The following LAMA2 variants were observed in gnomAD, a reference collection of about 807,000 sequenced individuals.
LAMA2 encodes laminin subunit alpha-2.
LAMA2 carries 269 observed loss-of-function variants against 364.8 expected under a neutral mutation model. That is an observed-to-expected ratio of 0.74 (90% CI 0.67 to 0.82). LAMA2 has a LOEUF of 0.82. Among genes scored for constraint, LAMA2 ranks in the 40% least tolerant of loss-of-function variants. LAMA2 has a pLI of 0.00. For missense variants in LAMA2, 3,807 were observed against 3,873.2 expected (o/e 0.98, Z 0.45); for synonymous variants, 1,379 against 1,370.6 (o/e 1.01, Z -0.14).
At chr6:129,251,794 G>A (rs1169444953) in intron 13 of LAMA2, among the ~76,000 whole-genome samples, 2 of 152,050 alleles carry the variant, frequency 1.3e-5, no homozygotes, top group Admixed American at 1.3e-4. Flanking sequence ...AATTAGCCAG[G>A]CTTGGTGGCA....
rs1214826895 is a variant in LAMA2, at chr6:128,962,185, T to TATATATATATACACACAC, written c.112+78829_112+78830insTATATATATACACACACA. Among the ~76,000 whole-genome samples the TATATATATATACACACAC allele has an allele frequency of 6.4e-4, 66 of 103,926 alleles. 2 individuals carry two copies. Among genetic ancestry groups the TATATATATATACACACAC allele is most frequent in the African/African-American group, 2.3e-3 (63 of 26,968 alleles). 68.2% of individuals were successfully genotyped at this position (103,926 alleles called of 152,430 possible). ...ATATATATATATATATATATATATATACACACATACACACACACATACACA... is the reference window on the plus strand; with the variant it reads ...ATATATATATATATATATATATATATATATATATATACACACACACACACATACACACACACATACACA... On this transcript the variant is annotated intron_variant, in intron 1 of 64. Transcript: ENST00000421865.
intron 34 of LAMA2, among the ~76,000 whole-genome samples, chr6:129,377,430 T>C (rs1778434937): frequency 6.6e-6 from 1 of 152,074 alleles, no homozygotes; most frequent in Non-Finnish European, 1.5e-5. Flanking sequence ...TCTTTTTGGT[T>C]TGGAACTTTT....
chr6:129,337,914 A>C (rs1317053077), intron 29 of LAMA2, among the ~76,000 whole-genome samples: 2 of 152,146 alleles, frequency 1.3e-5, no homozygotes, highest in Non-Finnish European at 2.9e-5. Context: ...CAGACAGAAA[A>C]GTCATATGAA....
At chr6:129,315,291 A>G (rs1774509201) in intron 24 of LAMA2, among the ~76,000 whole-genome samples, 185 bp from the exon 25 acceptor site, 1 of 152,214 alleles carries the variant, frequency 6.6e-6, no homozygotes, top group Non-Finnish European at 1.5e-5. Flanking sequence ...GGCTTTCACT[A>G]TGTGAATTAG....
chr6:129,441,953 A>G (rs933524030), intron 43 of LAMA2, among the ~76,000 whole-genome samples: 3 of 151,980 alleles, frequency 2.0e-5, no homozygotes, highest in African/African-American at 7.2e-5. Flanking sequence ...ACTGCACTCC[A>G]GCCTGGGTGG....
intron 1 of LAMA2, among the ~76,000 whole-genome samples, chr6:128,967,373 T>C (rs1781909806): frequency 6.6e-6 from 1 of 152,210 alleles, no homozygotes. Context: ...GGAACATTCA[T>C]ATAGATTATT....
At chr6:129,170,756 C>G (rs1583180031) in intron 9 of LAMA2, among the ~76,000 whole-genome samples, 1 of 151,752 alleles carries the variant, frequency 6.6e-6, no homozygotes, top group Non-Finnish European at 1.5e-5. Context: ...GTTGATCTGT[C>G]TAATGTTGAC....
At chr6:129,081,252 G>T (rs780533768) in intron 3 of LAMA2, among the ~76,000 whole-genome samples, 27 of 151,608 alleles carry the variant, frequency 1.8e-4, no homozygotes, top group Non-Finnish European at 3.4e-4. Flanking sequence ...GTGGGGTGGG[G>T]TGAGGGGGGA....
intron 12 of LAMA2, among the ~76,000 whole-genome samples, chr6:129,239,096 A>G (rs1785218493): frequency 6.6e-6 from 1 of 152,236 alleles, no homozygotes; most frequent in Non-Finnish European, 1.5e-5. Flanking sequence ...TAACTTGTTT[A>G]CATTTACAAA....
chr6:129,313,993 T>A (rs529523318), intron 23 of LAMA2, among the ~76,000 whole-genome samples: 1 of 152,340 alleles, frequency 6.6e-6, no homozygotes, highest in Admixed American at 6.5e-5. Context: ...TTCTTACAGC[T>A]TACAATAGCA....
chr6:129,053,013 G>T (rs1256448125), intron 2 of LAMA2, among the ~76,000 whole-genome samples: 1 of 152,086 alleles, frequency 6.6e-6, no homozygotes. Context: ...AGACACCAAA[G>T]AAGGCAACCA....
At chr6:128,888,669 G>T (rs978788003) in intron 1 of LAMA2, among the ~76,000 whole-genome samples, 2 of 152,268 alleles carry the variant, frequency 1.3e-5, no homozygotes, top group African/African-American at 4.8e-5. Context: ...CAGGGAGCAG[G>T]CCTATGAGGA....
intron 55 of LAMA2, among the ~76,000 whole-genome samples, chr6:129,481,826 A>G (rs7775030): frequency 0.19 from 28,743 of 152,184 alleles, 2,978 homozygotes; most frequent in Non-Finnish European, 0.23. Flanking sequence ...ATTTAAATGT[A>G]AATTCCTCTA....
intron 20 of LAMA2, among the ~76,000 whole-genome samples, chr6:129,293,872 CAA>C (rs1433946760): frequency 1.3e-5 from 2 of 152,120 alleles, no homozygotes; most frequent in African/African-American, 4.8e-5. Context: ...TTTTAAAAAA[CAA>C]ATTTTGATGT....
Position 129,315,551 on chromosome 6 carries a change from G to GT in LAMA2, c.3636dup (p.Gln1213SerfsTer30). 1 of 1,614,190 alleles carries GT rather than the reference G, an allele frequency of 6.2e-7. No homozygotes were observed. Among genetic ancestry groups the GT allele is most frequent in the Non-Finnish European group, 8.5e-7 (1 of 1,180,020 alleles). ...GCAGCACACGACCACCAAGGGCATT[G>GT]TTTTTCAACATCCAGAGATTGTTGC... On this transcript the variant is annotated frameshift_variant, in exon 25 of 65. Transcript: ENST00000421865. LOFTEE classifies it high-confidence loss of function.
intron 45 of LAMA2, among the ~76,000 whole-genome samples, chr6:129,449,789 G>A (rs1435991679): frequency 2.7e-5 from 4 of 146,850 alleles, no homozygotes. Context: ...CTGCTGCTCT[G>A]TCTGCTACAC....
At chr6:128,969,582 C>T (rs1782062519) in intron 1 of LAMA2, among the ~76,000 whole-genome samples, 1 of 151,964 alleles carries the variant, frequency 6.6e-6, no homozygotes, top group South Asian at 2.1e-4. Flanking sequence ...AGATTCACGC[C>T]ACTACACCCA....
At chr6:129,171,306 C>G (rs1287289256) in intron 9 of LAMA2, among the ~76,000 whole-genome samples, 2 of 152,208 alleles carry the variant, frequency 1.3e-5, no homozygotes, top group Non-Finnish European at 2.9e-5. Context: ...TTTGCAGTGG[C>G]TGGTACTGGT....
At chr6:129,350,360 C>T (rs913676756) in intron 31 of LAMA2, among the ~76,000 whole-genome samples, 43 of 152,194 alleles carry the variant, frequency 2.8e-4, no homozygotes, top group African/African-American at 9.4e-4. Context: ...AATATTGTGA[C>T]AATAAGTGTG....
Sources: gnomAD v4.1 joint callset for allele counts (sites outside exome capture counted in the v4.1 genomes callset) on GRCh38, gnomAD v4.1.1 for gene constraint, MANE v1.5 for transcripts, NCBI Gene and HGNC (gene_info 2026-07-23, HGNC 2026-07-21) for gene names.